The following HSPA12A variants were observed in gnomAD, a reference collection of about 807,000 sequenced individuals.
The protein encoded by HSPA12A is heat shock 70 kDa protein 12A.
In HSPA12A, 28 loss-of-function variants were observed where a neutral mutation model predicts 69.2. The observed-to-expected ratio is 0.40, with a 90% CI of 0.30 to 0.55. The LOEUF is 0.55. HSPA12A is among the 20% of genes least tolerant of loss of function. The probability of loss-of-function intolerance (pLI) is 0.38; values close to 1 mark genes in which losing one functional copy is unlikely to be tolerated. For synonymous variants in HSPA12A, 345 were observed against 370.5 expected (o/e 0.93, Z 0.79); for missense variants, 686 against 900.7 (o/e 0.76, Z 3.05).
intron 2 of HSPA12A, among the ~76,000 whole-genome samples, chr10:116,771,636 T>C (rs1844213713): frequency 6.6e-6 from 1 of 152,182 alleles, no homozygotes; most frequent in African/African-American, 2.4e-5. Context: ...TCATGGGAAA[T>C]CCCTGCCTGC....
intron 2 of HSPA12A, among the ~76,000 whole-genome samples, chr10:116,789,677 G>T (rs1844658562): frequency 6.6e-6 from 1 of 152,136 alleles, no homozygotes. Flanking sequence ...TGGAATTGAG[G>T]GTTCGTTTTT....
chr10:116,815,963 C>T (rs1273674748), intron 2 of HSPA12A, among the ~76,000 whole-genome samples: 2 of 152,200 alleles, frequency 1.3e-5, no homozygotes, highest in Non-Finnish European at 2.9e-5. Flanking sequence ...GGAACAAATC[C>T]TCACTGAGCA....
At chr10:116,698,895 A>G (rs971649000) in intron 4 of HSPA12A, among the ~76,000 whole-genome samples, 156 bp from the exon 5 acceptor site, 1 of 152,078 alleles carries the variant, frequency 6.6e-6, no homozygotes, top group African/African-American at 2.4e-5. Context: ...CGCATCCCCC[A>G]AAATGGGGGC....
chr10:116,819,431 G>A (rs1364665760), intron 2 of HSPA12A, among the ~76,000 whole-genome samples: 1 of 152,122 alleles, frequency 6.6e-6, no homozygotes, highest in Non-Finnish European at 1.5e-5. Context: ...TTAAGAGGTG[G>A]GGCCTTTGAG....
At chr10:116,816,426 T>C (rs1368468139) in intron 2 of HSPA12A, among the ~76,000 whole-genome samples, 2 of 152,256 alleles carry the variant, frequency 1.3e-5, no homozygotes, top group Non-Finnish European at 2.9e-5. Flanking sequence ...AATTACAGTT[T>C]GATCAATGCA....
chr10:116,743,923 G>A (rs1851587634), upstream of HSPA12A, among the ~76,000 whole-genome samples: 1 of 152,204 alleles, frequency 6.6e-6, no homozygotes, highest in Non-Finnish European at 1.5e-5. Flanking sequence ...GGTATAACAG[G>A]AGAACCCACT....
chr10:116,848,827 C>T (rs1471740259), intron 1 of HSPA12A, among the ~76,000 whole-genome samples: 2 of 152,186 alleles, frequency 1.3e-5, no homozygotes, highest in Non-Finnish European at 2.9e-5. Context: ...CCACAACCAT[C>T]CCTTAGGGTT....
intron 2 of HSPA12A, among the ~76,000 whole-genome samples, chr10:116,756,583 C>T (rs1554888816): frequency 1.3e-5 from 2 of 152,218 alleles, no homozygotes; most frequent in African/African-American, 4.8e-5. Context: ...CTCACTCTAC[C>T]CCCATAACCC....
chr10:116,779,452 A>G (rs766882053), intron 2 of HSPA12A, among the ~76,000 whole-genome samples: 1 of 151,854 alleles, frequency 6.6e-6, no homozygotes. Context: ...ACCACATCGC[A>G]CTCCTGCTCT....
upstream of HSPA12A, among the ~76,000 whole-genome samples, chr10:116,745,147 A>G (rs1355567616): frequency 6.6e-6 from 1 of 152,254 alleles, no homozygotes; most frequent in Non-Finnish European, 1.5e-5. Context: ...ACTGGGAAGT[A>G]AGTCCCAGGA....
chr10:116,676,280 C>T, intron 11 of HSPA12A, 119 bp downstream of exon 11: 1 of 798,002 alleles, frequency 1.3e-6, no homozygotes, highest in Non-Finnish European at 2.1e-6. Context: ...AGGGCCCTTG[C>T]CTGTGGCTCC....
intron 2 of HSPA12A, among the ~76,000 whole-genome samples, chr10:116,811,320 A>G (rs1342183833): frequency 6.6e-6 from 1 of 152,160 alleles, no homozygotes; most frequent in Admixed American, 6.5e-5. Flanking sequence ...CAGAGCCTCA[A>G]GGGCTTCACA....
intron 2 of HSPA12A, among the ~76,000 whole-genome samples, chr10:116,807,378 C>A (rs747514212): frequency 6.6e-5 from 10 of 152,106 alleles, no homozygotes; most frequent in Non-Finnish European, 1.5e-4. Flanking sequence ...TCCCCTCTTA[C>A]CCCTGCAGGC....
At chr10:116,696,290 C>T (rs1554880876) in intron 5 of HSPA12A, among the ~76,000 whole-genome samples, 1 of 152,134 alleles carries the variant, frequency 6.6e-6, no homozygotes, top group Non-Finnish European at 1.5e-5. Context: ...TGGTCCCCAC[C>T]CAAATCTCAC....
intron 2 of HSPA12A, among the ~76,000 whole-genome samples, chr10:116,779,067 A>T (rs1422547350): frequency 6.6e-6 from 1 of 152,226 alleles, no homozygotes; most frequent in Non-Finnish European, 1.5e-5. Flanking sequence ...CAAGTTAGGC[A>T]ACAAAACATC....
intron 2 of HSPA12A, among the ~76,000 whole-genome samples, chr10:116,767,854 T>C (rs1246766241): frequency 2.0e-5 from 3 of 152,178 alleles, no homozygotes; most frequent in African/African-American, 7.2e-5. Flanking sequence ...AATTGCAGCC[T>C]CTTTCAAAAG....
In HSPA12A at chr10:116,674,768, C is replaced by T. The variant is rs547696401; in HGVS notation, c.*13G>A. 41 of 1,592,422 alleles carry T rather than the reference C, an allele frequency of 2.6e-5. No homozygotes were observed. Among genetic ancestry groups the T allele is most frequent in the Middle Eastern group, 1.7e-4 (1 of 6,020 alleles). On this transcript the variant is annotated 3_prime_UTR_variant, in exon 12 of 12. Transcript: ENST00000369209. ...AAGTTGAGTCCAAGGGGACAGGCAG[C>T]GGGGCGGGAGGGTTAGTAATTTAAG...
rs371590777 is a variant in HSPA12A, at chr10:116,675,587, A to G, written c.1391-169T>C. 6.6e-5 allele frequency among the ~76,000 whole-genome samples: 10 copies of G among 152,208 alleles called. No individual in the cohort carries two copies. The highest frequency in any genetic ancestry group is 2.4e-4 in the African/African-American group (10 of 41,452). On this transcript the variant is annotated intron_variant, in intron 11 of 11. Transcript: ENST00000369209. The surrounding 1 kb of genome is among the most constrained non-coding windows in gnomAD (Gnocchi z 5.2). Reference sequence around the variant, plus strand: ...TCTTTGCAGAACTGGTCTTTTAAAGAAAGGGAGTTTGCACACCAATATGTT... The same window carrying G: ...TCTTTGCAGAACTGGTCTTTTAAAGGAAGGGAGTTTGCACACCAATATGTT...
chr10:116,779,363 A>G (rs893189666), intron 2 of HSPA12A, among the ~76,000 whole-genome samples: 3 of 152,148 alleles, frequency 2.0e-5, no homozygotes, highest in Admixed American at 6.5e-5. Flanking sequence ...TGAATCTTCA[A>G]TGGGGACAGA....
Sources: allele counts gnomAD v4.1 joint callset (sites outside exome capture counted in the v4.1 genomes callset), GRCh38; gene constraint gnomAD v4.1.1; non-coding constraint Gnocchi (gnomAD v3.1); transcripts MANE v1.5; gene names NCBI Gene and HGNC (gene_info 2026-07-23, HGNC 2026-07-21).